Variants in NRXN3 observed in about 807,000 individuals in gnomAD.
NRXN3 encodes neurexin 3, also known as neurexin III.
In NRXN3, 32 loss-of-function variants were observed where a neutral mutation model predicts 137.6. That is an observed-to-expected ratio of 0.23 (90% confidence interval 0.18 to 0.31). The LOEUF is 0.31. NRXN3 is among the 10% of genes least tolerant of loss of function. The probability of loss-of-function intolerance (pLI) is 1.00; values close to 1 mark genes in which losing one functional copy is unlikely to be tolerated. For missense variants in NRXN3, 1,574 were observed against 2,062.5 expected (o/e 0.76, Z 4.59); for synonymous variants, 798 against 784.5 (o/e 1.02, Z -0.29).
intron 15 of NRXN3, among the ~76,000 whole-genome samples, chr14:79,241,688 A>C (rs931942668): frequency 1.3e-5 from 2 of 152,166 alleles, no homozygotes; most frequent in African/African-American, 4.8e-5. Context: ...CAGTAATGAA[A>C]ACAACAATAA....
chr14:79,228,617 C>A (rs1320128516), intron 15 of NRXN3, among the ~76,000 whole-genome samples: 1 of 152,086 alleles, frequency 6.6e-6, no homozygotes, highest in Non-Finnish European at 1.5e-5. Flanking sequence ...GTTTTGAGTT[C>A]TTTCTCCGTA....
At chr14:78,664,806 T>C (rs977297932) in intron 6 of NRXN3, among the ~76,000 whole-genome samples, 2 of 152,218 alleles carry the variant, frequency 1.3e-5, no homozygotes, top group South Asian at 2.1e-4. Context: ...CAAAGATTTA[T>C]GTAGATTGCA....
intron 10 of NRXN3, among the ~76,000 whole-genome samples, chr14:78,847,322 C>G (rs1203944186): frequency 6.6e-6 from 1 of 152,088 alleles, no homozygotes; most frequent in African/African-American, 2.4e-5. Context: ...AATTATAAAC[C>G]ATGAAGCATA....
chr14:79,047,740 T>C (rs1252140052), intron 15 of NRXN3, among the ~76,000 whole-genome samples: 1 of 152,184 alleles, frequency 6.6e-6, no homozygotes, highest in Non-Finnish European at 1.5e-5. Flanking sequence ...TGTATCATTT[T>C]ATACCAACTA....
chr14:79,494,775 G>T (rs574434597), intron 16 of NRXN3, among the ~76,000 whole-genome samples: 1 of 152,214 alleles, frequency 6.6e-6, no homozygotes, highest in East Asian at 1.9e-4. Context: ...ATGTAACCGT[G>T]ATACATGGTT....
intron 15 of NRXN3, among the ~76,000 whole-genome samples, chr14:79,355,090 A>G (rs1331949890): frequency 2.0e-5 from 3 of 152,226 alleles, no homozygotes; most frequent in Non-Finnish European, 4.4e-5. Flanking sequence ...GGGGGGTGAC[A>G]AGATTTGGTT....
At chr14:79,638,935 G>A (rs1224381706) in intron 16 of NRXN3, among the ~76,000 whole-genome samples, 5 of 152,176 alleles carry the variant, frequency 3.3e-5, no homozygotes, top group East Asian at 1.9e-4. Flanking sequence ...TGCATTAATC[G>A]AGAGTTATTT....
chr14:78,202,090 T>C (rs1234288998), intron 1 of NRXN3, among the ~76,000 whole-genome samples: 1 of 150,782 alleles, frequency 6.6e-6, no homozygotes, highest in Non-Finnish European at 1.5e-5. Flanking sequence ...ATAGCTGCCA[T>C]GGGTGAGCTG....
At chr14:78,458,692 G>T (rs8020588) in intron 4 of NRXN3, among the ~76,000 whole-genome samples, 111 of 152,336 alleles carry the variant, frequency 7.3e-4, no homozygotes, top group African/African-American at 2.6e-3. Context: ...TCTCAATTTA[G>T]TCTTTAATCC....
At chr14:79,668,892 T>C (rs977809790) in intron 17 of NRXN3, among the ~76,000 whole-genome samples, 4 of 152,120 alleles carry the variant, frequency 2.6e-5, no homozygotes, top group African/African-American at 4.8e-5. Flanking sequence ...TCATCATGTT[T>C]TTGTAATTTA....
chr14:78,415,517 G>T (rs1385929403), intron 4 of NRXN3, among the ~76,000 whole-genome samples: 3 of 152,128 alleles, frequency 2.0e-5, no homozygotes, highest in African/African-American at 7.2e-5. Flanking sequence ...ACTTAGCTGG[G>T]CCTGGGATGT....
In NRXN3 at chr14:78,959,448, G is replaced by A. The variant is rs569100551; in HGVS notation, c.2395+2087G>A. On this transcript the variant is annotated intron_variant, in intron 11 of 20. Transcript: ENST00000335750. Reference sequence around the variant, plus strand: ...AGAAAATAATTTATCTTACAATATGGGAAAAATATAATGGAATGGGTTGGA... The same window carrying A: ...AGAAAATAATTTATCTTACAATATGAGAAAAATATAATGGAATGGGTTGGA... Among the ~76,000 whole-genome samples the A allele has an allele frequency of 1.4e-4, 21 of 152,140 alleles. 1 individual carries two copies. The South Asian group carries it at 4.4e-3, about 32-fold the overall frequency.
At chr14:79,175,628 C>T (rs191879815) in intron 15 of NRXN3, among the ~76,000 whole-genome samples, 6 of 152,270 alleles carry the variant, frequency 3.9e-5, no homozygotes. Flanking sequence ...GAGAAGGGTA[C>T]TTCATAGTGT....
In NRXN3 at chr14:79,390,316, CAA is replaced by C. The variant is rs34101631; in HGVS notation, c.3263-76889_3263-76888del. On this transcript the variant is annotated intron_variant, in intron 15 of 20. Transcript: ENST00000335750. ...TGGGCAGCAGAGCGAGACTCTGTCT[CAA>C]AAAAAAAAAAAAAAACCTACATGAA... 9.7e-3 allele frequency among the ~76,000 whole-genome samples: 1,059 copies of C among 109,588 alleles called. 16 individuals carry two copies. Among genetic ancestry groups the C allele is most frequent in the African/African-American group, 0.034 (995 of 28,976 alleles). 71.9% of individuals were successfully genotyped at this position (109,588 alleles called of 152,430 possible). A position where few individuals can be genotyped will look rare whatever the true frequency, so the allele number is the denominator to read the frequency against.
intron 8 of NRXN3, among the ~76,000 whole-genome samples, chr14:78,799,844 C>T (rs2098833236): frequency 6.6e-6 from 1 of 151,978 alleles, no homozygotes; most frequent in Admixed American, 6.6e-5. Flanking sequence ...GAGACTTATT[C>T]ACTACCATGA....
At chr14:78,481,006 AG>A (rs1323974129) in intron 4 of NRXN3, among the ~76,000 whole-genome samples, 1 of 152,168 alleles carries the variant, frequency 6.6e-6, no homozygotes, top group Non-Finnish European at 1.5e-5. Flanking sequence ...CATGAAGGGA[AG>A]GGGTGGTCAC....
chr14:79,133,178 G>C (rs1372143850), intron 15 of NRXN3, among the ~76,000 whole-genome samples: 1 of 152,208 alleles, frequency 6.6e-6, no homozygotes, highest in Non-Finnish European at 1.5e-5. Flanking sequence ...TGAAGATATT[G>C]ATTATTGTCT....
chr14:78,912,183 T>C (rs949815817), intron 10 of NRXN3, among the ~76,000 whole-genome samples: 2 of 151,588 alleles, frequency 1.3e-5, no homozygotes, highest in African/African-American at 4.8e-5. Flanking sequence ...TGGTTTTTTG[T>C]TCTTGCGATA....
At chr14:78,300,301 T>C (rs4903741) in intron 4 of NRXN3, among the ~76,000 whole-genome samples, 25,708 of 152,270 alleles carry the variant, frequency 0.17, 2,775 homozygotes, top group Middle Eastern at 0.24. Flanking sequence ...CATTTTTAGA[T>C]TAAGTGCATG....
Sources: allele counts gnomAD v4.1 joint callset (sites outside exome capture counted in the v4.1 genomes callset), GRCh38; gene constraint gnomAD v4.1.1; transcripts MANE v1.5; gene names NCBI Gene and HGNC (gene_info 2026-07-23, HGNC 2026-07-21).